The following ZMYND8 variants were observed in gnomAD, a reference collection of about 807,000 sequenced individuals.
ZMYND8 encodes MYND-type zinc finger-containing chromatin reader ZMYND8.
ZMYND8 carries 37 observed loss-of-function variants against 140.8 expected under a neutral mutation model. That is an observed-to-expected ratio of 0.26 (90% CI 0.20 to 0.35). The LOEUF is 0.35. Among genes scored for constraint, ZMYND8 ranks in the 10% least tolerant of loss-of-function variants. The pLI is 1.00. For missense variants in ZMYND8, 1,068 were observed against 1,570.0 expected, an observed-to-expected ratio of 0.68 and a Z score of 5.40; for synonymous variants, 592 against 597.1, an observed-to-expected ratio of 0.99 and a Z score of 0.12.
At chr20:47,281,963 T>C (rs1202142230) in intron 10 of ZMYND8, 139 bp downstream of exon 10, 4 of 745,352 alleles carry the variant, frequency 5.4e-6, no homozygotes, top group Non-Finnish European at 8.5e-6. Context: ...ACAGGAAATT[T>C]ATTTCAACAA....
chr20:47,353,002 CAG>C (rs1246464241), intron 1 of ZMYND8: 1 of 152,210 alleles, frequency 6.6e-6, no homozygotes, highest in East Asian at 1.9e-4. Context: ...TCTTTCTTTC[CAG>C]AGTCAACCAG....
intron 8 of ZMYND8, among the ~76,000 whole-genome samples, chr20:47,286,360 G>C (rs111862671): frequency 1.3e-5 from 2 of 152,048 alleles, no homozygotes; most frequent in South Asian, 4.1e-4. Context: ...TGTATTTTTA[G>C]TGGAGACGGG....
In ZMYND8 at chr20:47,210,748, T is replaced by A. The variant is rs757653804; in HGVS notation, c.*13A>T. On this transcript the variant is annotated 3_prime_UTR_variant, in exon 23 of 23. Transcript: ENST00000471951. ...CTCCCAATGGGGTGGGTGGTTTGTGTCCCGATTCACTGCTAGTCCCAGAAG... is the reference window on the plus strand; with the variant it reads ...CTCCCAATGGGGTGGGTGGTTTGTGACCCGATTCACTGCTAGTCCCAGAAG... 2.0e-5 allele frequency: 32 copies of A among 1,614,002 alleles called. No homozygotes were observed. The highest frequency in any genetic ancestry group is 1.6e-5 in the Non-Finnish European group (19 of 1,180,024).
At chr20:47,240,646 C>G (rs927714113) in intron 14 of ZMYND8, among the ~76,000 whole-genome samples, 1 of 151,796 alleles carries the variant, frequency 6.6e-6, no homozygotes, top group African/African-American at 2.4e-5. Context: ...CCTCCGCCCT[C>G]TGAGTTCAAG....
chr20:47,239,581 G>T (rs1420817845), intron 14 of ZMYND8, among the ~76,000 whole-genome samples: 1 of 152,188 alleles, frequency 6.6e-6, no homozygotes, highest in East Asian at 1.9e-4. Flanking sequence ...CTTTGGCTAG[G>T]GAACGTAGAA....
chr20:47,211,590 T>C (rs1220405333), intron 22 of ZMYND8, among the ~76,000 whole-genome samples: 1 of 152,184 alleles, frequency 6.6e-6, no homozygotes, highest in Non-Finnish European at 1.5e-5. Flanking sequence ...AAGAGCCGAA[T>C]GAGGTGTCTG....
intron 22 of ZMYND8, 48 bp from the exon 23 acceptor site, chr20:47,210,945 G>C (rs1283991387): frequency 1.2e-5 from 19 of 1,594,720 alleles, no homozygotes; most frequent in Non-Finnish European, 1.5e-5. Context: ...ACCTGCGCCT[G>C]AGCACAACTA....
At position 47,299,554 on chromosome 20, in the gene ZMYND8, A is replaced by G. The variant is rs531277893; in HGVS notation, c.235-607T>C. On this transcript the variant is annotated intron_variant, in intron 3 of 22. Transcript: ENST00000471951. ...GATCAATAGGGTTTCAGTCACCAAA[A>G]AATGGTTACCTAATTTTTTTTTTCT... 2.6e-5 allele frequency among the ~76,000 whole-genome samples: 4 copies of G among 152,064 alleles called. No individual in the cohort carries two copies. The South Asian group carries it at 8.3e-4, about 32-fold the overall frequency.
intron 14 of ZMYND8, among the ~76,000 whole-genome samples, chr20:47,242,591 C>A (rs534294122): frequency 6.6e-6 from 1 of 152,146 alleles, no homozygotes; most frequent in African/African-American, 2.4e-5. Context: ...AGCCTGTCTC[C>A]CCACCGTAAG....
intron 3 of ZMYND8, among the ~76,000 whole-genome samples, chr20:47,302,467 A>G (rs538513459): frequency 5.3e-5 from 8 of 152,156 alleles, no homozygotes; most frequent in Non-Finnish European, 7.3e-5. Context: ...AAAAAAATAT[A>G]TATCTATGTG....
chr20:47,303,312 T>C (rs2078218371), intron 3 of ZMYND8, among the ~76,000 whole-genome samples: 1 of 152,028 alleles, frequency 6.6e-6, no homozygotes, highest in Non-Finnish European at 1.5e-5. Context: ...CTACCCCGAG[T>C]GAGGTCTTCT....
chr20:47,219,249 G>C (rs911881391), intron 21 of ZMYND8, among the ~76,000 whole-genome samples: 1 of 151,334 alleles, frequency 6.6e-6, no homozygotes, highest in Admixed American at 6.6e-5. Flanking sequence ...GTAGAGACAG[G>C]GTTTCACCAT....
chr20:47,325,895 C>T (rs1026078289), intron 2 of ZMYND8, among the ~76,000 whole-genome samples: 3 of 151,674 alleles, frequency 2.0e-5, no homozygotes, highest in Non-Finnish European at 4.4e-5. Context: ...CCTCAGCCTC[C>T]TGAGTAACTG....
rs188866023 is a variant in ZMYND8, at chr20:47,264,676, C to T, written c.1481-2248G>A. On this transcript the variant is annotated intron_variant, in intron 11 of 22. Transcript: ENST00000471951. ...CACATTCCTTCACTGGGGGGGGCTG[C>T]TATATTATTACTAGTCCTATCACTG... Among the ~76,000 whole-genome samples the T allele has an allele frequency of 3.2e-4, 49 of 152,130 alleles. 1 individual carries two copies. The highest frequency in any genetic ancestry group is 7.2e-4 in the Admixed American group (11 of 15,284).
At chr20:47,255,744 A>G (rs921316740) in intron 12 of ZMYND8, among the ~76,000 whole-genome samples, 2,682 of 56,568 alleles carry the variant, frequency 0.047, 139 homozygotes, top group African/African-American at 0.056. Context: ...ATATATATAT[A>G]TATATATATA....
intron 13 of ZMYND8, among the ~76,000 whole-genome samples, chr20:47,248,838 A>T (rs2073937304): frequency 6.6e-6 from 1 of 152,228 alleles, no homozygotes; most frequent in Non-Finnish European, 1.5e-5. Context: ...CAGGCAGCAC[A>T]GGGAAGAGGA....
At chr20:47,266,956 G>A (rs1179325934) in intron 11 of ZMYND8, among the ~76,000 whole-genome samples, 5 of 152,120 alleles carry the variant, frequency 3.3e-5, no homozygotes, top group Non-Finnish European at 5.9e-5. Context: ...CCTTGGATAC[G>A]AATGTGCACA....
At chr20:47,227,407 C>A in intron 17 of ZMYND8, 126 bp from the exon 18 acceptor site, 1 of 865,930 alleles carries the variant, frequency 1.2e-6, no homozygotes, top group South Asian at 1.5e-5. Context: ...CAGCTATAGT[C>A]CAGAGAGGTG....
chr20:47,291,906 T>G lies in ZMYND8; in HGVS notation c.568-18A>C, dbSNP rs535692242. On this transcript the variant is annotated intron_variant, in intron 5 of 22. Coordinates refer to ENST00000471951, the MANE Select transcript of ZMYND8 (RefSeq NM_001281775.3). ...GCATCTGTCTATAAAAGAGAAGATA[T>G]GCAGAGGAACGAACCCATCATTACT... The G allele has an allele frequency of 6.2e-7, 1 of 1,603,704 alleles. No individual in the cohort carries two copies. Among genetic ancestry groups the G allele is most frequent in the Admixed American group, 1.7e-5 (1 of 59,026 alleles).
Sources: allele counts gnomAD v4.1 joint callset (sites outside exome capture counted in the v4.1 genomes callset), GRCh38; gene constraint gnomAD v4.1.1; transcripts MANE v1.5; gene names NCBI Gene and HGNC (gene_info 2026-07-23, HGNC 2026-07-21).